GLT1D1: variants seen among roughly 807,000 people sequenced by gnomAD.
The protein encoded by GLT1D1 is glycosyltransferase 1 domain-containing protein 1.
A neutral mutation model predicts 28.7 loss-of-function variants in GLT1D1; 21 were observed. The ratio of observed to expected loss-of-function variants is 0.73; its 90% CI spans 0.52 to 1.05. GLT1D1 has a LOEUF of 1.05. Ranked by LOEUF, GLT1D1 falls within the 50% of genes least tolerant of loss-of-function variation. GLT1D1 has a pLI of 0.00. For missense variants in GLT1D1, 343 were observed against 330.6 expected, an observed-to-expected ratio of 1.04 and a Z score of -0.29; for synonymous variants, 147 against 124.8, an observed-to-expected ratio of 1.18 and a Z score of -1.19.
At chr12:128,865,330 TTA>T (rs1956486552) in intron 1 of GLT1D1, among the ~76,000 whole-genome samples, 1 of 152,222 alleles carries the variant, frequency 6.6e-6, no homozygotes, top group Non-Finnish European at 1.5e-5. Flanking sequence ...ATTGTTACTT[TTA>T]GTTTGACAAC....
intron 1 of GLT1D1, among the ~76,000 whole-genome samples, chr12:128,871,800 A>G (rs2135785393): frequency 6.6e-6 from 1 of 152,174 alleles, no homozygotes; most frequent in South Asian, 2.1e-4. Flanking sequence ...CAGTTAATTC[A>G]CCTGGTGTTC....
At chr12:128,968,546 C>G (rs1878711953) in intron 7 of GLT1D1, among the ~76,000 whole-genome samples, 2 of 147,410 alleles carry the variant, frequency 1.4e-5, no homozygotes, top group South Asian at 4.2e-4. Context: ...GCCTATAATC[C>G]TAGCTACTCA....
intron 1 of GLT1D1, among the ~76,000 whole-genome samples, chr12:128,871,720 C>G (rs896479718): frequency 2.0e-5 from 3 of 152,128 alleles, no homozygotes; most frequent in African/African-American, 7.2e-5. Flanking sequence ...ACTTCCTCCT[C>G]CTCTGATCTT....
At chr12:128,890,350 G>C (rs745928356) in intron 3 of GLT1D1, among the ~76,000 whole-genome samples, 15 of 152,062 alleles carry the variant, frequency 9.9e-5, no homozygotes, top group Non-Finnish European at 1.9e-4. Flanking sequence ...AACTCAATTT[G>C]TTGTCATTGT....
intron 7 of GLT1D1, among the ~76,000 whole-genome samples, chr12:128,977,632 C>T (rs1353165403): frequency 3.9e-5 from 6 of 152,150 alleles, no homozygotes; most frequent in African/African-American, 9.7e-5. Context: ...CCCCGGAAGG[C>T]ATTTGCGTTT....
intron 7 of GLT1D1, among the ~76,000 whole-genome samples, chr12:128,982,122 G>C (rs560297837): frequency 6.6e-6 from 1 of 152,266 alleles, no homozygotes; most frequent in East Asian, 1.9e-4. Flanking sequence ...GCCTTCTTCA[G>C]TAATGAGCAT....
In GLT1D1 at chr12:128,968,911, C is replaced by T. The variant is rs78904509; in HGVS notation, c.639+11268C>T. Among the ~76,000 whole-genome samples the T allele has an allele frequency of 3.7e-3, 560 of 152,194 alleles. 3 individuals are homozygous for T. The highest frequency in any genetic ancestry group is 0.013 in the African/African-American group (520 of 41,530). ...GAGCACAAATGGCCCTGCTCTCCCC[C>T]TTCCCTGCTGCTGCCGTGGCAACTC... On this transcript the variant is annotated intron_variant, in intron 7 of 7. Coordinates refer to ENST00000281703, the MANE Select transcript of GLT1D1 (RefSeq NM_144669.3).
intron 3 of GLT1D1, among the ~76,000 whole-genome samples, chr12:128,894,967 G>A (rs1273273589): frequency 6.6e-6 from 1 of 151,198 alleles, no homozygotes; most frequent in Admixed American, 6.6e-5. Flanking sequence ...TTATTCGGTT[G>A]CTCAAATTGC....
chr12:128,865,706 C>G (rs952160220), intron 1 of GLT1D1, among the ~76,000 whole-genome samples: 2 of 152,060 alleles, frequency 1.3e-5, no homozygotes, highest in African/African-American at 4.8e-5. Context: ...CCTATAATCC[C>G]AGCTACTCGG....
At chr12:128,924,756 C>G (rs571042829) in intron 4 of GLT1D1, among the ~76,000 whole-genome samples, 2 of 152,112 alleles carry the variant, frequency 1.3e-5, no homozygotes, top group Non-Finnish European at 2.9e-5. Flanking sequence ...GAACAGAGAT[C>G]GCGGGGCCAG....
intron 4 of GLT1D1, among the ~76,000 whole-genome samples, chr12:128,917,155 A>G (rs2097272436): frequency 6.6e-6 from 1 of 152,130 alleles, no homozygotes. Flanking sequence ...AGTTTACTGT[A>G]TGTGGCCTTC....
intron 7 of GLT1D1, among the ~76,000 whole-genome samples, chr12:128,960,238 T>C (rs1877796894): frequency 1.3e-5 from 2 of 152,372 alleles, no homozygotes; most frequent in South Asian, 4.1e-4. Context: ...CTGCGATTCT[T>C]AACACACGTT....
At chr12:128,908,198 C>T (rs1373650238) in intron 4 of GLT1D1, among the ~76,000 whole-genome samples, 4 of 152,266 alleles carry the variant, frequency 2.6e-5, no homozygotes, top group Admixed American at 6.5e-5. Context: ...TGTGAGTCCC[C>T]GCGCCTGGCC....
intron 7 of GLT1D1, among the ~76,000 whole-genome samples, chr12:128,969,826 A>G (rs1019825063): frequency 2.6e-5 from 4 of 152,140 alleles, no homozygotes; most frequent in African/African-American, 9.7e-5. Flanking sequence ...GCTCTCCACC[A>G]TCTCCTGGGC....
At chr12:128,892,763 T>C (rs1050828957) in intron 3 of GLT1D1, among the ~76,000 whole-genome samples, 2 of 152,144 alleles carry the variant, frequency 1.3e-5, no homozygotes, top group Non-Finnish European at 2.9e-5. Context: ...TTTGAAGTTT[T>C]TTTAGTATTT....
chr12:128,859,418 G>T (rs1333058051), intron 1 of GLT1D1, among the ~76,000 whole-genome samples: 4 of 152,190 alleles, frequency 2.6e-5, no homozygotes, highest in Non-Finnish European at 5.9e-5. Flanking sequence ...GTGCCGAGGA[G>T]GGGGAGCCAT....
chr12:128,886,647 T>A (rs1868419287), intron 2 of GLT1D1, among the ~76,000 whole-genome samples: 1 of 152,092 alleles, frequency 6.6e-6, no homozygotes, highest in Non-Finnish European at 1.5e-5. Context: ...TCTTCCTCAC[T>A]CTGAACTTGA....
chr12:128,859,372 G>A lies in GLT1D1; in HGVS notation c.68+5723G>A, dbSNP rs547179333. Among the ~76,000 whole-genome samples the A allele has an allele frequency of 1.1e-4, 17 of 152,300 alleles. No individual in the cohort carries two copies. In the South Asian group the frequency reaches 3.1e-3, roughly 28 times the overall value. On this transcript the variant is annotated intron_variant, in intron 1 of 7. Transcript: ENST00000281703. ...ACAGCACAGAATCCTGTAGATCAGC[G>A]ACTCTGCCTCCGGAAGAGCATGGGG...
chr12:128,905,720 A>G (rs1290789103), intron 4 of GLT1D1, among the ~76,000 whole-genome samples: 1 of 152,224 alleles, frequency 6.6e-6, no homozygotes, highest in African/African-American at 2.4e-5. Flanking sequence ...GCTCCTCACC[A>G]GGTCAGCATG....
Sources: allele counts gnomAD v4.1 joint callset (sites outside exome capture counted in the v4.1 genomes callset), GRCh38; gene constraint gnomAD v4.1.1; transcripts MANE v1.5; gene names NCBI Gene and HGNC (gene_info 2026-07-23, HGNC 2026-07-21).